Variants in SERPINB7 observed in about 807,000 individuals in gnomAD.
SERPINB7 encodes the protein serpin B7.
SERPINB7 carries 31 observed loss-of-function variants against 37.4 expected under a neutral mutation model. The ratio of observed to expected loss-of-function variants is 0.83; its 90% CI spans 0.62 to 1.12. The LOEUF is 1.12. Among genes scored for constraint, SERPINB7 ranks in the 50% most tolerant of loss-of-function variants. The pLI, the probability that SERPINB7 is intolerant of heterozygous loss-of-function variation, is 0.00. For missense variants in SERPINB7, 521 were observed against 455.3 expected, an observed-to-expected ratio of 1.14 and a Z score of -1.31; for synonymous variants, 163 against 166.1, an observed-to-expected ratio of 0.98 and a Z score of 0.14.
At chr18:63,799,099 A>T (rs2049520476) in intron 6 of SERPINB7, among the ~76,000 whole-genome samples, 1 of 152,226 alleles carries the variant, frequency 6.6e-6, no homozygotes, top group Non-Finnish European at 1.5e-5. Context: ...TGAGGTCTAT[A>T]CTTAAAATCA....
intron 4 of SERPINB7, among the ~76,000 whole-genome samples, chr18:63,796,002 CT>C (rs2049483975): frequency 6.6e-6 from 1 of 152,084 alleles, no homozygotes; most frequent in Non-Finnish European, 1.5e-5. Flanking sequence ...AAAGGGTGGG[CT>C]TTATCCATTC....
Position 63,800,739 on chromosome 18 carries a change from C to G in SERPINB7, c.598-127C>G, listed in dbSNP as rs562933233. On this transcript the variant is annotated intron_variant, in intron 6 of 7. Transcript: ENST00000398019. Reference sequence around the variant, plus strand: ...AATGCAACCACTATTGGTAACATGTCAGGAAAAAATCTGCAGGGTCAACTG... The same window carrying G: ...AATGCAACCACTATTGGTAACATGTGAGGAAAAAATCTGCAGGGTCAACTG... The G allele has an allele frequency of 4.3e-5, 40 of 934,098 alleles. No homozygotes were observed. The East Asian group carries it at 7.4e-4, about 17-fold the overall frequency. The allele number at this position is 934,098 out of a possible 1,614,324, so 57.9% of individuals were successfully genotyped here. A position where few individuals can be genotyped will look rare whatever the true frequency, so the allele number is the denominator to read the frequency against.
chr18:63,803,262 A>G (rs1055790873), intron 7 of SERPINB7, among the ~76,000 whole-genome samples: 3 of 152,280 alleles, frequency 2.0e-5, no homozygotes, highest in African/African-American at 7.2e-5. Context: ...AAATTCCAAC[A>G]GGGTAAAAAT....
At chr18:63,788,963 C>T (rs1280157033) in intron 2 of SERPINB7, among the ~76,000 whole-genome samples, 1 of 152,160 alleles carries the variant, frequency 6.6e-6, no homozygotes, top group Non-Finnish European at 1.5e-5. Context: ...CCTAACCATA[C>T]ATTTCTCAGA....
rs1002740533 is a variant in SERPINB7 at position 63,775,501 on chromosome 18, T to G, written c.-234T>G. ...TGAATTCTCAGAATTTTAGAACAAA[T>G]TTTTGTCTAGAAATGCTGACTTTGG... On this transcript the variant is annotated 5_prime_UTR_variant, in exon 1 of 8. Coordinates refer to ENST00000398019, the MANE Select transcript of SERPINB7 (RefSeq NM_003784.4). 6.6e-6 allele frequency: 1 copy of G among 152,154 alleles called. No individual in the cohort carries two copies. Among genetic ancestry groups the G allele is most frequent in the Non-Finnish European group, 1.5e-5 (1 of 68,026 alleles). The allele number at this position is 152,154 out of a possible 1,614,324, so 9.4% of individuals were successfully genotyped here. A position where few individuals can be genotyped will look rare whatever the true frequency, so the allele number is the denominator to read the frequency against.
chr18:63,786,559 T>G (rs1328907817), intron 2 of SERPINB7, among the ~76,000 whole-genome samples: 4 of 152,186 alleles, frequency 2.6e-5, no homozygotes, highest in Non-Finnish European at 4.4e-5. Flanking sequence ...GACGAAATAA[T>G]AGTTTCATAA....
intron 7 of SERPINB7, among the ~76,000 whole-genome samples, chr18:63,803,491 G>A (rs1242861001): frequency 6.6e-6 from 1 of 152,168 alleles, no homozygotes; most frequent in Non-Finnish European, 1.5e-5. Context: ...TCTAAATTGA[G>A]AATTTATGAT....
At chr18:63,797,384 T>C (rs996031625) in intron 5 of SERPINB7, among the ~76,000 whole-genome samples, 1 of 152,210 alleles carries the variant, frequency 6.6e-6, no homozygotes, top group Admixed American at 6.5e-5. Context: ...TGTTTAGCCA[T>C]CACCTGTTTC....
At chr18:63,788,227 C>T (rs11877371) in intron 2 of SERPINB7, among the ~76,000 whole-genome samples, 7,067 of 152,128 alleles carry the variant, frequency 0.046, 591 homozygotes, top group African/African-American at 0.16. Flanking sequence ...TGGTGCCATG[C>T]GTGGTAATGC....
At chr18:63,758,157 C>T (rs2049132250) in intron 1 of SERPINB7, among the ~76,000 whole-genome samples, 1 of 152,138 alleles carries the variant, frequency 6.6e-6, no homozygotes, top group Non-Finnish European at 1.5e-5. Flanking sequence ...TTGTCATTGC[C>T]AACTTTGGCC....
chr18:63,755,126 G>A (rs911628315), intron 1 of SERPINB7, among the ~76,000 whole-genome samples: 5 of 150,972 alleles, frequency 3.3e-5, no homozygotes, highest in African/African-American at 1.2e-4. Flanking sequence ...GGATGGTCTC[G>A]ATCTCCTGAC....
chr18:63,802,559 T>C (rs1488795648), intron 7 of SERPINB7, among the ~76,000 whole-genome samples: 1 of 152,222 alleles, frequency 6.6e-6, no homozygotes, highest in African/African-American at 2.4e-5. Context: ...TCAATTTTTC[T>C]GATAGATACA....
chr18:63,784,744 A>T (rs2049347346), intron 2 of SERPINB7, among the ~76,000 whole-genome samples: 1 of 152,168 alleles, frequency 6.6e-6, no homozygotes, highest in Admixed American at 6.5e-5. Context: ...TGATGATAAA[A>T]CAAATAAAGA....
intron 1 of SERPINB7, 89 bp downstream of exon 1, chr18:63,775,805 G>A (rs1376470572): frequency 6.6e-6 from 1 of 152,092 alleles, no homozygotes; most frequent in Non-Finnish European, 1.5e-5. Flanking sequence ...GTTCACTAAC[G>A]AATCTCAAGG....
intron 2 of SERPINB7, among the ~76,000 whole-genome samples, chr18:63,785,730 G>GT (rs572515066): frequency 1.4e-4 from 21 of 150,308 alleles, no homozygotes; most frequent in South Asian, 4.2e-4. Context: ...GTTGTGTTTT[G>GT]TTTTTTTTGT....
chr18:63,781,674 T>C (rs1209171185), intron 1 of SERPINB7, among the ~76,000 whole-genome samples: 3 of 152,230 alleles, frequency 2.0e-5, no homozygotes, highest in African/African-American at 7.2e-5. Flanking sequence ...ATCTCCACTT[T>C]GTTACTGCAC....
chr18:63,784,448 C>A (rs1237670870), intron 2 of SERPINB7, among the ~76,000 whole-genome samples: 1 of 152,138 alleles, frequency 6.6e-6, no homozygotes, highest in Non-Finnish European at 1.5e-5. Flanking sequence ...TGCTCTGAAG[C>A]CACCAAACTG....
chr18:63,759,603 T>A (rs1344387078), intron 1 of SERPINB7, among the ~76,000 whole-genome samples: 1 of 152,160 alleles, frequency 6.6e-6, no homozygotes, highest in Non-Finnish European at 1.5e-5. Flanking sequence ...CCATGCTCTC[T>A]CCTACCCCTG....
intron 1 of SERPINB7, among the ~76,000 whole-genome samples, chr18:63,759,123 T>C (rs2049138365): frequency 1.3e-5 from 2 of 152,360 alleles, no homozygotes; most frequent in South Asian, 4.1e-4. Context: ...TATCCTATTC[T>C]ATTCTACTCT....
Sources: gnomAD v4.1 joint callset for allele counts (sites outside exome capture counted in the v4.1 genomes callset) on GRCh38, gnomAD v4.1.1 for gene constraint, MANE v1.5 for transcripts, NCBI Gene and HGNC (gene_info 2026-07-23, HGNC 2026-07-21) for gene names.